The following RMND5A variants were observed in gnomAD, a reference collection of about 807,000 sequenced individuals.
RMND5A encodes the protein required for meiotic nuclear division 5 homolog A.
RMND5A carries 17 observed loss-of-function variants against 49.7 expected under a neutral mutation model. The observed-to-expected ratio is 0.34, with a 90% CI of 0.23 to 0.51. The LOEUF (loss-of-function observed/expected upper bound fraction) is 0.51, where lower values mean the gene tolerates loss of function less well. Among genes scored for constraint, RMND5A ranks in the 20% least tolerant of loss-of-function variants. The probability of loss-of-function intolerance (pLI) is 0.96; values close to 1 mark genes in which losing one functional copy is unlikely to be tolerated. For synonymous variants in RMND5A, 156 were observed against 167.7 expected (o/e 0.93, Z 0.54); for missense variants, 255 against 471.3 (o/e 0.54, Z 4.25).
chr2:86,733,552 C>G (rs1260020948), intron 1 of RMND5A, among the ~76,000 whole-genome samples: 1 of 144,076 alleles, frequency 6.9e-6, no homozygotes, highest in Non-Finnish European at 1.5e-5. Flanking sequence ...AGGTGCTGTT[C>G]TATTTTATTG....
rs34283985 is a variant in RMND5A at position 86,753,295 on chromosome 2, G to A, written c.421-163G>A. Among the ~76,000 whole-genome samples the A allele has an allele frequency of 5.4e-3, 828 of 152,292 alleles. 2 individuals carry two copies. The highest frequency in any genetic ancestry group is 8.0e-3 in the Non-Finnish European group (542 of 68,030). ...GCTGAAATTTGGGGATTCTACTATG[G>A]AAAAGAGGGGAAGAATGTACTAGGG... On this transcript the variant is annotated intron_variant, in intron 3 of 8. Transcript: ENST00000283632.
intron 6 of RMND5A, among the ~76,000 whole-genome samples, chr2:86,766,360 A>T (rs1368195194): frequency 6.6e-6 from 1 of 152,092 alleles, no homozygotes; most frequent in African/African-American, 2.4e-5. Context: ...ATTCCTCACC[A>T]CCACACACTT....
At chr2:86,750,771 G>GT (rs35353170) in intron 2 of RMND5A, among the ~76,000 whole-genome samples, 1,430 of 141,200 alleles carry the variant, frequency 0.01, 12 homozygotes, top group Middle Eastern at 0.04. Flanking sequence ...CTGAGGCTCT[G>GT]TTTTTTTTTT....
intron 6 of RMND5A, among the ~76,000 whole-genome samples, chr2:86,769,692 A>T (rs1393850889): frequency 1.3e-5 from 2 of 151,326 alleles, no homozygotes; most frequent in African/African-American, 4.9e-5. Flanking sequence ...TTTTTTTTTA[A>T]CGTTTGCGTT....
At position 86,776,766 on chromosome 2, in the gene RMND5A, AGT is replaced by A. The variant is rs1672777912; in HGVS notation, c.*3356_*3357del. On this transcript the variant is annotated 3_prime_UTR_variant, in exon 9 of 9. Transcript: ENST00000283632. The stretch of plus-strand genomic sequence containing the variant: ...ATTTTCAGGGAAGGCATGGAGGCAT[AGT>A]TTGGTTAGTTTCATCACTAGGATGT... 6.6e-6 allele frequency: 1 copy of A among 152,236 alleles called. No individual in the cohort carries two copies. Among genetic ancestry groups the A allele is most frequent in the African/African-American group, 2.4e-5 (1 of 41,462 alleles). The allele number at this position is 152,236 out of a possible 1,614,324, so 9.4% of individuals were successfully genotyped here.
intron 5 of RMND5A, 86 bp downstream of exon 5, chr2:86,765,279 C>T: frequency 8.5e-7 from 1 of 1,170,796 alleles, no homozygotes; most frequent in Non-Finnish European, 1.2e-6. Flanking sequence ...AGAGCTAATA[C>T]CTGTTTGCCA....
chr2:86,742,660 G>A (rs1235240264), intron 2 of RMND5A, among the ~76,000 whole-genome samples: 4 of 151,954 alleles, frequency 2.6e-5, no homozygotes, highest in African/African-American at 9.7e-5. Flanking sequence ...AACTACTGGT[G>A]GTGTCTAAGA....
At chr2:86,757,291 G>GATCT (rs1681759783) in intron 4 of RMND5A, among the ~76,000 whole-genome samples, 1 of 151,012 alleles carries the variant, frequency 6.6e-6, no homozygotes, top group Admixed American at 6.6e-5. Context: ...TGATTACATA[G>GATCT]ATCTAATCAG....
intron 2 of RMND5A, among the ~76,000 whole-genome samples, chr2:86,744,575 A>G (rs1163517064): frequency 6.6e-6 from 1 of 152,098 alleles, no homozygotes; most frequent in East Asian, 1.9e-4. Context: ...GCTCAGTGGT[A>G]TTTTTCCTTT....
intron 4 of RMND5A, among the ~76,000 whole-genome samples, chr2:86,760,580 C>T (rs529299161): frequency 6.6e-5 from 10 of 152,310 alleles, no homozygotes; most frequent in South Asian, 2.1e-4. Context: ...TTTGTCACTT[C>T]GCTCTTGATC....
At chr2:86,760,078 C>G (rs1005508559) in intron 4 of RMND5A, among the ~76,000 whole-genome samples, 1 of 151,748 alleles carries the variant, frequency 6.6e-6, no homozygotes, top group African/African-American at 2.4e-5. Context: ...GAGTTTCACT[C>G]TTGTTGCCCA....
chr2:86,745,632 T>G (rs528954957), intron 2 of RMND5A, among the ~76,000 whole-genome samples: 2 of 152,308 alleles, frequency 1.3e-5, no homozygotes, highest in Middle Eastern at 3.4e-3. Context: ...AGTTGAGGAT[T>G]TACTTGACCT....
chr2:86,772,690 G>A (rs951747376), intron 8 of RMND5A, among the ~76,000 whole-genome samples: 3 of 151,830 alleles, frequency 2.0e-5, no homozygotes, highest in African/African-American at 7.3e-5. Context: ...TGCCTCCTGG[G>A]TTCAAGCAAT....
chr2:86,743,760 C>T (rs190142068), intron 2 of RMND5A, among the ~76,000 whole-genome samples: 17 of 152,108 alleles, frequency 1.1e-4, no homozygotes, highest in Admixed American at 1.0e-3. Flanking sequence ...CCGAGGCAGG[C>T]GGATCACCTG....
intron 4 of RMND5A, among the ~76,000 whole-genome samples, chr2:86,758,775 A>G (rs565030153): frequency 6.6e-6 from 1 of 152,368 alleles, no homozygotes; most frequent in East Asian, 1.9e-4. Flanking sequence ...ATTTGAAAAT[A>G]TCTAAGAAAT....
At chr2:86,758,449 T>G (rs1222852888) in intron 4 of RMND5A, among the ~76,000 whole-genome samples, 1 of 152,192 alleles carries the variant, frequency 6.6e-6, no homozygotes, top group East Asian at 1.9e-4. Context: ...GATGGACGTT[T>G]GTAGTTTCCG....
chr2:86,771,553 A>G lies in RMND5A; in HGVS notation c.958-5A>G, dbSNP rs1471744728. On this transcript the variant is annotated splice_region_variant and splice_polypyrimidine_tract_variant and intron_variant, in intron 7 of 8. Coordinates refer to ENST00000283632, the MANE Select transcript of RMND5A (RefSeq NM_022780.4). ...CTTTTTTACTTTTTTTTTTTTTTTT[A>G]ACAGATTGAAGTGGACCTTGGTAAA... The G allele has an allele frequency of 1.9e-6, 3 of 1,544,334 alleles. No homozygotes were observed. Among genetic ancestry groups the G allele is most frequent in the Non-Finnish European group, 2.6e-6 (3 of 1,150,830 alleles).
chr2:86,732,560 G>A, intron 1 of RMND5A, among the ~76,000 whole-genome samples: 1 of 147,860 alleles, frequency 6.8e-6, no homozygotes, highest in Non-Finnish European at 1.5e-5. Flanking sequence ...TATTGAAGGT[G>A]TAACCAAGGT....
At chr2:86,756,735 G>A (rs1357301624) in intron 4 of RMND5A, among the ~76,000 whole-genome samples, 2 of 152,160 alleles carry the variant, frequency 1.3e-5, no homozygotes, top group African/African-American at 4.8e-5. Flanking sequence ...GGTACAAGGC[G>A]GGAGATATCT....
Sources: allele counts gnomAD v4.1 joint callset (sites outside exome capture counted in the v4.1 genomes callset), GRCh38; gene constraint gnomAD v4.1.1; transcripts MANE v1.5; gene names NCBI Gene and HGNC (gene_info 2026-07-23, HGNC 2026-07-21).